Variants in AGBL4 observed in about 807,000 individuals in gnomAD.
AGBL4 encodes the protein cytosolic carboxypeptidase 6.
A neutral mutation model predicts 66.4 loss-of-function variants in AGBL4; 58 were observed. That is an observed-to-expected ratio of 0.87 (90% CI 0.71 to 1.09). The LOEUF is 1.09. AGBL4 is among the 50% of genes least tolerant of loss of function. The pLI, the probability that AGBL4 is intolerant of heterozygous loss-of-function variation, is 0.00. For synonymous variants in AGBL4, 234 were observed against 222.9 expected, an observed-to-expected ratio of 1.05 and a Z score of -0.44; for missense variants, 579 against 631.0, an observed-to-expected ratio of 0.92 and a Z score of 0.88.
Position 48,834,101 on chromosome 1 carries a change from C to T in AGBL4, c.634+33090G>A, listed in dbSNP as rs530794121. 3.3e-5 allele frequency among the ~76,000 whole-genome samples: 5 copies of T among 152,236 alleles called. No homozygotes were observed. In the South Asian group the frequency reaches 6.2e-4, roughly 19 times the overall value. On this transcript the variant is annotated intron_variant, in intron 6 of 13. Coordinates refer to ENST00000371839, the MANE Select transcript of AGBL4 (RefSeq NM_032785.4). ...GAATCCATCACCTCTTTCTTCCTTC[C>T]GATTTCTCCCTTTTTGGAATAGGAA...
At chr1:49,005,744 C>T (rs2148996279) in intron 5 of AGBL4, among the ~76,000 whole-genome samples, 1 of 152,160 alleles carries the variant, frequency 6.6e-6, no homozygotes. Flanking sequence ...AACATAACCC[C>T]TGAGTCCCAG....
At chr1:49,060,957 A>G (rs1008864884) in intron 4 of AGBL4, among the ~76,000 whole-genome samples, 2 of 152,180 alleles carry the variant, frequency 1.3e-5, no homozygotes, top group Non-Finnish European at 2.9e-5. Context: ...GCCAAAAAGT[A>G]ATGTGAAAAA....
chr1:49,479,277 T>A (rs1047312576), intron 3 of AGBL4, among the ~76,000 whole-genome samples: 1 of 151,930 alleles, frequency 6.6e-6, no homozygotes, highest in African/African-American at 2.4e-5. Flanking sequence ...ACAAATACAA[T>A]GAAATATCTA....
intron 9 of AGBL4, among the ~76,000 whole-genome samples, chr1:48,594,053 T>C (rs953910635): frequency 6.6e-6 from 1 of 151,980 alleles, no homozygotes; most frequent in African/African-American, 2.4e-5. Context: ...CAGCCGGGCA[T>C]GGTGGCTCCC....
intron 5 of AGBL4, among the ~76,000 whole-genome samples, chr1:48,873,274 C>T (rs927750761): frequency 1.3e-5 from 2 of 152,166 alleles, no homozygotes; most frequent in South Asian, 2.1e-4. Context: ...GCCGTGCTTT[C>T]GTCATTTGCC....
At chr1:49,568,986 C>CCA (rs1644272380) in intron 3 of AGBL4, among the ~76,000 whole-genome samples, 2 of 152,122 alleles carry the variant, frequency 1.3e-5, no homozygotes, top group South Asian at 4.1e-4. Context: ...CCTAAGTGTC[C>CCA]ATCAACACAT....
intron 3 of AGBL4, among the ~76,000 whole-genome samples, chr1:49,260,268 A>G (rs1652996312): frequency 6.6e-6 from 1 of 151,668 alleles, no homozygotes; most frequent in Non-Finnish European, 1.5e-5. Context: ...AAGAGCAAAC[A>G]CATTCAAAAG....
At chr1:48,937,434 G>T (rs1033038720) in intron 5 of AGBL4, among the ~76,000 whole-genome samples, 2 of 151,922 alleles carry the variant, frequency 1.3e-5, no homozygotes, top group African/African-American at 4.8e-5. Flanking sequence ...TTCTTCCTTT[G>T]TTACTAGTGT....
intron 5 of AGBL4, among the ~76,000 whole-genome samples, chr1:49,040,932 T>C (rs1643924801): frequency 6.6e-6 from 1 of 152,124 alleles, no homozygotes. Flanking sequence ...CTGCAAATTA[T>C]ACCTCAATAA....
At chr1:49,195,729 C>A (rs929480131) in intron 4 of AGBL4, among the ~76,000 whole-genome samples, 8 of 152,056 alleles carry the variant, frequency 5.3e-5, no homozygotes, top group Non-Finnish European at 1.0e-4. Flanking sequence ...TTTGTCAATT[C>A]TTTTCCTAAA....
At chr1:49,789,418 T>A (rs1455504965) in intron 2 of AGBL4, among the ~76,000 whole-genome samples, 1 of 152,206 alleles carries the variant, frequency 6.6e-6, no homozygotes, top group Non-Finnish European at 1.5e-5. Flanking sequence ...ATGACATGAT[T>A]GTATGTTTAG....
intron 6 of AGBL4, among the ~76,000 whole-genome samples, chr1:48,770,938 C>T (rs1644793415): frequency 6.6e-6 from 1 of 152,206 alleles, no homozygotes; most frequent in Admixed American, 6.5e-5. Context: ...TGTGGGAAGA[C>T]TTAGCCCACT....
At chr1:48,734,290 T>C (rs889481944) in intron 6 of AGBL4, among the ~76,000 whole-genome samples, 1 of 152,164 alleles carries the variant, frequency 6.6e-6, no homozygotes, top group Non-Finnish European at 1.5e-5. Flanking sequence ...TGAAACCTTA[T>C]AGCTTTGACC....
At chr1:48,974,544 T>A (rs1029164770) in intron 5 of AGBL4, among the ~76,000 whole-genome samples, 3 of 152,174 alleles carry the variant, frequency 2.0e-5, no homozygotes. Context: ...CCACAAAGTC[T>A]AGTTAGATTC....
chr1:48,558,421 C>G (rs577086947), intron 11 of AGBL4, among the ~76,000 whole-genome samples: 78 of 152,242 alleles, frequency 5.1e-4, no homozygotes, highest in Non-Finnish European at 8.5e-4. Context: ...AGCCCCCAGT[C>G]TCAATTCCAT....
intron 4 of AGBL4, among the ~76,000 whole-genome samples, chr1:49,100,289 C>T (rs1016236174): frequency 5.3e-5 from 8 of 152,196 alleles, no homozygotes; most frequent in South Asian, 4.1e-4. Flanking sequence ...GGCCTTTATA[C>T]TCCTTCCTAT....
At chr1:48,550,050 T>C (rs933309888) in intron 11 of AGBL4, among the ~76,000 whole-genome samples, 9 of 152,254 alleles carry the variant, frequency 5.9e-5, no homozygotes, top group African/African-American at 2.2e-4. Flanking sequence ...AGTAGGTATT[T>C]CCTGAAAGGC....
At chr1:48,566,869 A>G (rs948405910) in intron 11 of AGBL4, among the ~76,000 whole-genome samples, 2 of 152,212 alleles carry the variant, frequency 1.3e-5, no homozygotes, top group Non-Finnish European at 2.9e-5. Context: ...TGGCTAATGC[A>G]TGTAATCTCA....
intron 4 of AGBL4, among the ~76,000 whole-genome samples, chr1:49,220,133 G>C (rs946421426): frequency 6.6e-6 from 1 of 152,046 alleles, no homozygotes; most frequent in Admixed American, 6.6e-5. Flanking sequence ...ACAGATTTTT[G>C]TCTTACTGTC....
Sources: gnomAD v4.1 joint callset for allele counts (sites outside exome capture counted in the v4.1 genomes callset) on GRCh38, gnomAD v4.1.1 for gene constraint, MANE v1.5 for transcripts, NCBI Gene and HGNC (gene_info 2026-07-23, HGNC 2026-07-21) for gene names.